The following DOCK11 variants were observed in gnomAD, a reference collection of about 807,000 sequenced individuals.
DOCK11 encodes the protein dedicator of cytokinesis protein 11.
DOCK11 carries 70 observed loss-of-function variants against 169.1 expected under a neutral mutation model. The ratio of observed to expected loss-of-function variants is 0.41; its 90% CI spans 0.34 to 0.51. The LOEUF (loss-of-function observed/expected upper bound fraction) is 0.51. Ranked by LOEUF, DOCK11 falls within the 20% of genes least tolerant of loss-of-function variation. The pLI is 0.10. For synonymous variants in DOCK11, 529 were observed against 541.3 expected, an observed-to-expected ratio of 0.98 and a Z score of 0.32; for missense variants, 1,166 against 1,538.8, an observed-to-expected ratio of 0.76 and a Z score of 4.05.
intron 20 of DOCK11, among the ~76,000 whole-genome samples, chrX:118,595,093 A>C (rs2014119723): frequency 1.8e-5 from 2 of 111,256 alleles, no homozygotes; most frequent in African/African-American, 6.5e-5. Flanking sequence ...GGTTTTAAAC[A>C]TTAGAGCAGT....
intron 4 of DOCK11, among the ~76,000 whole-genome samples, chrX:118,544,343 T>C (rs2012157457): frequency 9.0e-6 from 1 of 111,662 alleles, no homozygotes; most frequent in Non-Finnish European, 1.9e-5. Context: ...TACCACTTAC[T>C]AGCTGGATGA....
intron 1 of DOCK11, among the ~76,000 whole-genome samples, chrX:118,523,857 G>A (rs935438881): frequency 1.8e-5 from 2 of 111,665 alleles, no homozygotes; most frequent in South Asian, 3.8e-4. Flanking sequence ...GAAATAAGGG[G>A]CAGAGAGACA....
intron 1 of DOCK11, among the ~76,000 whole-genome samples, chrX:118,541,062 G>A (rs2011977328): frequency 9.0e-6 from 1 of 110,675 alleles, no homozygotes; most frequent in African/African-American, 3.3e-5. Flanking sequence ...TCTAAGTGCT[G>A]GGATTAAAGA....
At chrX:118,498,017 C>T (rs1199674808) in intron 1 of DOCK11, among the ~76,000 whole-genome samples, 1 of 112,528 alleles carries the variant, frequency 8.9e-6, no homozygotes, top group Non-Finnish European at 1.9e-5. Context: ...TGGCAGGAGT[C>T]TTTTCTAGGA....
At chrX:118,584,885 T>A in intron 15 of DOCK11, 28 bp downstream of exon 15, 1 of 1,171,915 alleles carries the variant, frequency 8.5e-7, no homozygotes, top group Non-Finnish European at 1.1e-6. Context: ...CTGCAATAAG[T>A]AAATATAATA....
intron 10 of DOCK11, among the ~76,000 whole-genome samples, chrX:118,571,517 G>A (rs866981704): frequency 5.9e-4 from 65 of 110,161 alleles, no homozygotes; most frequent in African/African-American, 2.0e-3. Flanking sequence ...TGCCTGGCTA[G>A]TTTTTATTTT....
At chrX:118,598,664 G>T (rs1005889354) in intron 22 of DOCK11, among the ~76,000 whole-genome samples, 1 of 111,796 alleles carries the variant, frequency 8.9e-6, no homozygotes, top group Admixed American at 9.5e-5. Context: ...TACAGAATCA[G>T]TGTATATGGG....
intron 20 of DOCK11, 128 bp from the exon 21 acceptor site, chrX:118,597,303 G>C (rs901734278): frequency 1.1e-6 from 1 of 880,979 alleles, no homozygotes; most frequent in Admixed American, 2.6e-5. Flanking sequence ...CAGTTGCCCA[G>C]CACCTGAACT....
At chrX:118,597,074 A>T (rs2147436928) in intron 20 of DOCK11, among the ~76,000 whole-genome samples, 1 of 112,273 alleles carries the variant, frequency 8.9e-6, no homozygotes, top group East Asian at 2.8e-4. Flanking sequence ...AATCCACCAA[A>T]AATATTTCCC....
intron 46 of DOCK11, among the ~76,000 whole-genome samples, chrX:118,675,645 CATCT>C (rs1274738508): frequency 1.8e-5 from 2 of 109,817 alleles, no homozygotes; most frequent in African/African-American, 6.6e-5. Flanking sequence ...CGATGACACA[CATCT>C]ATCTATGTAA....
chrX:118,577,795 C>T (rs966289977), intron 12 of DOCK11, among the ~76,000 whole-genome samples: 9 of 111,483 alleles, frequency 8.1e-5, no homozygotes, highest in African/African-American at 2.0e-4. Flanking sequence ...AGGAAAAAAA[C>T]GAAATTTTGG....
At chrX:118,597,660 G>A (rs2014209977) in intron 21 of DOCK11, 108 bp downstream of exon 21, 1 of 898,172 alleles carries the variant, frequency 1.1e-6, no homozygotes, top group Non-Finnish European at 1.6e-6. Context: ...GGGGTCTGAG[G>A]GCTGGTGCGG....
chrX:118,545,397 G>C lies in DOCK11; in HGVS notation c.462+5G>C. On this transcript the variant is annotated splice_donor_5th_base_variant and intron_variant, in intron 5 of 52. Transcript: ENST00000276202. ...GAAGACTGTGAGAAAGATGAGGTAAGAATGGGGGCAACAGTTGGGGTAACT... is the reference window on the plus strand; with the variant it reads ...GAAGACTGTGAGAAAGATGAGGTAACAATGGGGGCAACAGTTGGGGTAACT... The C allele has an allele frequency of 8.5e-7, 1 of 1,175,066 alleles. No individual in the cohort carries two copies. Among genetic ancestry groups the C allele is most frequent in the Non-Finnish European group, 1.1e-6 (1 of 872,296 alleles).
chrX:118,648,488 A>T (rs1341986636), intron 40 of DOCK11, among the ~76,000 whole-genome samples: 1 of 96,696 alleles, frequency 1.0e-5, no homozygotes, highest in African/African-American at 3.7e-5. Flanking sequence ...ATAATAATAT[A>T]TTATATTGAT....
intron 1 of DOCK11, among the ~76,000 whole-genome samples, chrX:118,509,478 G>T (rs1204218293): frequency 4.5e-5 from 5 of 111,150 alleles, no homozygotes; most frequent in Admixed American, 1.9e-4. Flanking sequence ...TGGTCAGGCT[G>T]GTCTCGAACT....
chrX:118,627,087 G>T (rs1358112280), intron 32 of DOCK11, among the ~76,000 whole-genome samples: 1 of 111,930 alleles, frequency 8.9e-6, no homozygotes, highest in Non-Finnish European at 1.9e-5. Context: ...AATTAGCTGG[G>T]TGTGGTGGTG....
chrX:118,651,937 G>A (rs1424745382), intron 41 of DOCK11, 27 bp from the exon 42 acceptor site: 1 of 1,082,265 alleles, frequency 9.2e-7, no homozygotes, highest in Admixed American at 2.4e-5. Flanking sequence ...AAGTTATTTG[G>A]AAAATAATAT....
intron 1 of DOCK11, among the ~76,000 whole-genome samples, chrX:118,542,118 A>G (rs1035657614): frequency 3.6e-5 from 4 of 111,515 alleles, no homozygotes; most frequent in Non-Finnish European, 7.5e-5. Flanking sequence ...TTAAAATTCA[A>G]TAATTTTTAG....
intron 1 of DOCK11, among the ~76,000 whole-genome samples, chrX:118,542,496 ATGTCTGTGTG>A (rs2012048807): frequency 1.1e-5 from 1 of 92,442 alleles, no homozygotes; most frequent in Admixed American, 1.2e-4. Context: ...TAGCAAGAGA[ATGTCTGTGTG>A]TGTGTGTGTG....
Sources: allele counts gnomAD v4.1 joint callset (sites outside exome capture counted in the v4.1 genomes callset), GRCh38; gene constraint gnomAD v4.1.1; transcripts MANE v1.5; gene names NCBI Gene and HGNC (gene_info 2026-07-23, HGNC 2026-07-21).